BBS9: variants seen among roughly 807,000 people sequenced by gnomAD.
The protein encoded by BBS9 is Bardet-Biedl syndrome 9, also known as protein PTHB1.
Under a neutral mutation model 117.7 loss-of-function variants are expected in BBS9, and 89 were observed. The ratio of observed to expected loss-of-function variants is 0.76; its 90% CI spans 0.64 to 0.90. The LOEUF is 0.90. Among genes scored for constraint, BBS9 ranks in the 40% least tolerant of loss-of-function variants. The pLI is 0.00. For synonymous variants in BBS9, 379 were observed against 370.9 expected, an observed-to-expected ratio of 1.02 and a Z score of -0.25; for missense variants, 982 against 1,042.2, an observed-to-expected ratio of 0.94 and a Z score of 0.80.
chr7:33,613,264 G>T (rs1034668892), intron 21 of BBS9, among the ~76,000 whole-genome samples: 3 of 152,052 alleles, frequency 2.0e-5, no homozygotes, highest in African/African-American at 7.2e-5. Flanking sequence ...GGAAATCAAA[G>T]AAAAGGGCTT....
At position 33,367,878 on chromosome 7, in the gene BBS9, T is replaced by G; in HGVS notation, c.1789+16T>G. On this transcript the variant is annotated intron_variant, in intron 17 of 22. Coordinates refer to ENST00000242067, the MANE Select transcript of BBS9 (RefSeq NM_198428.3). ...AAAACTTCTCGTAAGTAAAACCATG[T>G]TATCATTGCTTTTTAAATTTTTTTC... The G allele has an allele frequency of 6.2e-7, 1 of 1,607,622 alleles. No individual in the cohort carries two copies. The highest frequency in any genetic ancestry group is 8.5e-7 in the Non-Finnish European group (1 of 1,174,274).
At chr7:33,482,088 G>A (rs1312842974) in intron 19 of BBS9, among the ~76,000 whole-genome samples, 2 of 151,936 alleles carry the variant, frequency 1.3e-5, no homozygotes, top group African/African-American at 4.8e-5. Flanking sequence ...ACTAAAGTGT[G>A]ATTTTTTTTT....
intron 9 of BBS9, among the ~76,000 whole-genome samples, chr7:33,297,454 G>T (rs1199121106): frequency 1.3e-5 from 2 of 152,142 alleles, no homozygotes; most frequent in African/African-American, 2.4e-5. Flanking sequence ...AGCGGTGGGT[G>T]ACTTGGTTTA....
chr7:33,622,751 A>G (rs955525590), intron 21 of BBS9, among the ~76,000 whole-genome samples: 2 of 152,220 alleles, frequency 1.3e-5, no homozygotes, highest in Admixed American at 1.3e-4. Context: ...TAATAGACCA[A>G]TGCATCATAA....
At chr7:33,139,690 CTG>C (rs1311011890) in intron 1 of BBS9, among the ~76,000 whole-genome samples, 4 of 147,112 alleles carry the variant, frequency 2.7e-5, no homozygotes, top group Non-Finnish European at 4.4e-5. Flanking sequence ...TCTTTTCTGT[CTG>C]TGTTAGGCAA....
intron 21 of BBS9, among the ~76,000 whole-genome samples, chr7:33,539,283 G>A (rs1479666213): frequency 1.3e-5 from 2 of 152,188 alleles, no homozygotes; most frequent in Non-Finnish European, 2.9e-5. Flanking sequence ...CACTGTTGGT[G>A]CTGCATTTAT....
At chr7:33,559,612 G>A (rs533883359) in intron 21 of BBS9, among the ~76,000 whole-genome samples, 2 of 152,242 alleles carry the variant, frequency 1.3e-5, no homozygotes, top group South Asian at 2.1e-4. Context: ...ACCACTATCC[G>A]TGTACTGAAA....
At chr7:33,149,503 G>C (rs1792966417) in intron 2 of BBS9, among the ~76,000 whole-genome samples, 1 of 152,146 alleles carries the variant, frequency 6.6e-6, no homozygotes, top group Non-Finnish European at 1.5e-5. Flanking sequence ...CATTTAAATG[G>C]CACTTACTTT....
chr7:33,487,291 C>T (rs79514097), intron 19 of BBS9, among the ~76,000 whole-genome samples: 6,549 of 152,246 alleles, frequency 0.043, 192 homozygotes, highest in Middle Eastern at 0.099. Context: ...GGTTTTTATA[C>T]TCTTTCCATG....
At chr7:33,166,772 C>T (rs2128136454) in intron 4 of BBS9, among the ~76,000 whole-genome samples, 1 of 152,342 alleles carries the variant, frequency 6.6e-6, no homozygotes, top group African/African-American at 2.4e-5. Context: ...TCCCGTTTTT[C>T]CACGTACAGT....
At chr7:33,185,321 G>C (rs1270181955) in intron 5 of BBS9, among the ~76,000 whole-genome samples, 6 of 152,060 alleles carry the variant, frequency 3.9e-5, no homozygotes, top group African/African-American at 9.7e-5. Flanking sequence ...ATTCACGGTG[G>C]AGTCGCTTTG....
intron 20 of BBS9, among the ~76,000 whole-genome samples, chr7:33,529,189 A>C (rs1359003395): frequency 6.6e-6 from 1 of 152,236 alleles, no homozygotes; most frequent in Non-Finnish European, 1.5e-5. Flanking sequence ...TGGGACCAGC[A>C]TGGACTGTAG....
chr7:33,364,976 G>C (rs1006153737), intron 16 of BBS9, among the ~76,000 whole-genome samples: 1 of 151,784 alleles, frequency 6.6e-6, no homozygotes, highest in African/African-American at 2.4e-5. Context: ...TGATGTGCCT[G>C]CCTCGGCCTC....
At position 33,233,400 on chromosome 7, in the gene BBS9, G is replaced by A. The variant is rs553891174; in HGVS notation, c.443-23836G>A. Among the ~76,000 whole-genome samples, 17 of 152,086 alleles carry A rather than the reference G, an allele frequency of 1.1e-4. No individual in the cohort carries two copies. The East Asian group carries it at 3.3e-3, about 29-fold the overall frequency. ...GTCTAGTATCATTTTACCTAGAAGA[G>A]GGAAGCTTTTCATTATTAACTTTTT... On this transcript the variant is annotated intron_variant, in intron 5 of 22. Coordinates refer to ENST00000242067, the MANE Select transcript of BBS9 (RefSeq NM_198428.3).
chr7:33,393,315 A>G (rs905181134), intron 19 of BBS9, among the ~76,000 whole-genome samples: 1 of 152,186 alleles, frequency 6.6e-6, no homozygotes, highest in Non-Finnish European at 1.5e-5. Flanking sequence ...GGAATCTATT[A>G]TCCAGTTTTT....
chr7:33,136,627 C>G (rs1227229302), intron 1 of BBS9, among the ~76,000 whole-genome samples: 1 of 152,016 alleles, frequency 6.6e-6, no homozygotes, highest in African/African-American at 2.4e-5. Flanking sequence ...TTTACATTAA[C>G]TCATTTCTGG....
At chr7:33,365,619 T>C (rs969141360) in intron 16 of BBS9, among the ~76,000 whole-genome samples, 1 of 152,226 alleles carries the variant, frequency 6.6e-6, no homozygotes, top group Non-Finnish European at 1.5e-5. Flanking sequence ...GTGGGCCAGT[T>C]TCCAGTGCCT....
intron 5 of BBS9, among the ~76,000 whole-genome samples, chr7:33,243,920 C>A (rs1794921682): frequency 6.6e-6 from 1 of 151,952 alleles, no homozygotes; most frequent in African/African-American, 2.4e-5. Flanking sequence ...TAATCTATTT[C>A]TTTAAAAAAT....
intron 9 of BBS9, among the ~76,000 whole-genome samples, chr7:33,296,259 A>G (rs1488967714): frequency 2.0e-5 from 3 of 152,160 alleles, no homozygotes; most frequent in Non-Finnish European, 1.5e-5. Context: ...ATATCTTGGA[A>G]TCAGTTAGTA....
Sources: gnomAD v4.1 joint callset for allele counts (sites outside exome capture counted in the v4.1 genomes callset) on GRCh38, gnomAD v4.1.1 for gene constraint, MANE v1.5 for transcripts, NCBI Gene and HGNC (gene_info 2026-07-23, HGNC 2026-07-21) for gene names.